The following CCDC88B variants were observed in gnomAD, a reference collection of about 807,000 sequenced individuals.
CCDC88B encodes the protein coiled-coil and HOOK domain protein 88B.
Under a neutral mutation model 183.7 loss-of-function variants are expected in CCDC88B, and 138 were observed. The observed-to-expected ratio is 0.75, with a 90% CI of 0.65 to 0.87. CCDC88B has a LOEUF of 0.87. Ranked by LOEUF, CCDC88B falls within the 40% of genes least tolerant of loss-of-function variation. CCDC88B has a pLI of 0.00. For missense variants in CCDC88B, 1,822 were observed against 1,965.6 expected (o/e 0.93, Z 1.38); for synonymous variants, 835 against 867.5 (o/e 0.96, Z 0.66).
At position 64,344,070 on chromosome 11, in the gene CCDC88B, C is replaced by T. The variant is rs763481748; in HGVS notation, c.1529C>T (p.Ala510Val). ...GAGGAGGCTCCCCAGACTCCTGTGG[C>T]CTTCGACCACAGCCCTCAGGGCTTG... ...VLEEAPQTPV[A>V]FDHSPQGLVQ... The change falls in exon 14 of 27, where the codon GCC becomes GTC. Residue 510 changes from alanine to valine, a missense_variant. Coordinates refer to ENST00000356786, the MANE Select transcript of CCDC88B (RefSeq NM_032251.6). The surrounding 1 kb of genome is among the most constrained non-coding windows in gnomAD (Gnocchi z 4.5). 5 of 1,605,550 alleles carry T rather than the reference C, an allele frequency of 3.1e-6. No homozygotes were observed. The highest frequency in any genetic ancestry group is 1.3e-5 in the African/African-American group (1 of 74,392).
chr11:64,356,169 T>G (rs1314518587), intron 26 of CCDC88B: 1 of 151,978 alleles, frequency 6.6e-6, no homozygotes, highest in African/African-American at 2.4e-5. Context: ...TAATTATTAT[T>G]ATTTTTTTTA....
At chr11:64,352,916 C>A in intron 20 of CCDC88B, 29 bp downstream of exon 20, 1 of 1,540,612 alleles carries the variant, frequency 6.5e-7, no homozygotes, top group Non-Finnish European at 8.7e-7. Flanking sequence ...CCTCTAGCAG[C>A]TCTCAGTGGC....
rs1000383749 is a variant in CCDC88B at position 64,343,798 on chromosome 11, C to T, written c.1339C>T (p.Pro447Ser). ...CTCAGCACCCCTAGCAGGAGCGGCC[C>T]CCTCGCTGCAAGATGAGGTGAGGGA... ...PGEAPLAGAA[P>S]SLQDEVREAE... Residue 447 changes from proline to serine, a missense_variant, in exon 13 of 27, where the codon CCC (proline) becomes TCC (serine). Transcript: ENST00000356786. The T allele has an allele frequency of 1.3e-6, 2 of 1,582,512 alleles. No individual in the cohort carries two copies. Among genetic ancestry groups the T allele is most frequent in the Non-Finnish European group, 8.6e-7 (1 of 1,164,270 alleles).
rs769296560 is a variant in CCDC88B, at chr11:64,355,243, G to A, written c.4149G>A (p.Leu1383=). 33 of 1,535,880 alleles carry A rather than the reference G, an allele frequency of 2.1e-5. No homozygotes were observed. The South Asian group carries it at 3.5e-4, about 16-fold the overall frequency. The change falls in exon 25 of 27, where the codon CTG becomes CTA. Residue 1383 remains leucine (L), a synonymous_variant. Transcript: ENST00000356786. The part of the protein sequence containing the change: ...PMRRAQSSLC[L]RDETLAGGQR... Reference sequence around the variant, plus strand: ...GCCGGGCCCAGAGCTCCCTCTGCCTGCGGGATGAGACCTTGGCAGGCGGGC... The same window carrying A: ...GCCGGGCCCAGAGCTCCCTCTGCCTACGGGATGAGACCTTGGCAGGCGGGC...
Position 64,344,856 on chromosome 11 carries a change from C to G in CCDC88B, c.2315C>G (p.Ala772Gly), listed in dbSNP as rs375634325. The change falls in exon 14 of 27, where the codon GCG (alanine) becomes GGG (glycine). Residue 772 changes from alanine (A) to glycine (G), a missense_variant. Transcript: ENST00000356786. The surrounding 1 kb of genome is among the most constrained non-coding windows in gnomAD (Gnocchi z 4.5). ...CGCCTCTCCAAGGAGCTGGCCCAAG[C>G]GCGAAGGGCAGAGGCCGAGGCCCAC... is the stretch of plus-strand genomic sequence containing the variant. ...AARLSKELAQARRAEAEAHRE... is the reference protein window; with the variant it reads ...AARLSKELAQGRRAEAEAHRE... 14 of 1,610,080 alleles carry G rather than the reference C, an allele frequency of 8.7e-6. No individual in the cohort carries two copies. In the South Asian group the frequency reaches 1.5e-4, roughly 18 times the overall value.
chr11:64,343,252 AGC>A lies in CCDC88B; in HGVS notation c.1139_1140del (p.Arg380LeufsTer37). The stretch of plus-strand genomic sequence containing the variant: ...GAAGAGCAGCTGGAGGCTGCCCGAG[AGC>A]GCTGCGCCCGGCTGCACGAGACCCA... On this transcript the variant is annotated frameshift_variant, in exon 11 of 27. Transcript: ENST00000356786. LOFTEE classifies it high-confidence loss of function. 6.5e-7 allele frequency: 1 copy of A among 1,548,252 alleles called. No individual in the cohort carries two copies. Among genetic ancestry groups the A allele is most frequent in the Non-Finnish European group, 8.7e-7 (1 of 1,146,568 alleles).
At position 64,344,390 on chromosome 11, in the gene CCDC88B, C is replaced by G. The variant is rs537511418; in HGVS notation, c.1849C>G (p.Pro617Ala). Residue 617 changes from proline to alanine, a missense_variant, in exon 14 of 27, where the codon CCG becomes GCG. By Grantham distance (27) the Pro-to-Ala change is conservative (BLOSUM62 -1). Coordinates refer to ENST00000356786, the MANE Select transcript of CCDC88B (RefSeq NM_032251.6). This position sits in a 1 kb window ranked among gnomAD's most constrained non-coding sequence, Gnocchi z 4.5. ...PQGPGTKIQAPQLLGGETEGR... is the reference protein window; with the variant it reads ...PQGPGTKIQAAQLLGGETEGR... ...GGGTCCAGGGACCAAAATTCAGGCC[C>G]CGCAGTTGCTGGGAGGAGAGACAGA... 9.8e-5 allele frequency: 155 copies of G among 1,584,182 alleles called. No individual in the cohort carries two copies. The Middle Eastern group carries it at 1.2e-3, about 12-fold the overall frequency.
intron 3 of CCDC88B, 23 bp from the exon 4 acceptor site, chr11:64,341,086 A>G (rs1432943720): frequency 2.5e-6 from 4 of 1,613,926 alleles, no homozygotes; most frequent in Non-Finnish European, 3.4e-6. Context: ...GGCGCCTCAT[A>G]TAGTCTGCCT....
At chr11:64,348,401 T>C (rs1308644591) in intron 14 of CCDC88B, among the ~76,000 whole-genome samples, 1 of 142,018 alleles carries the variant, frequency 7.0e-6, no homozygotes, top group African/African-American at 2.6e-5. Flanking sequence ...AGGAGGGCTG[T>C]GGCCAGGGCC....
chr11:64,345,363 G>C (rs572906152), intron 14 of CCDC88B, among the ~76,000 whole-genome samples: 1 of 152,286 alleles, frequency 6.6e-6, no homozygotes, highest in South Asian at 2.1e-4. Flanking sequence ...GGCGCTGTGG[G>C]AGGGGGTGGG....
chr11:64,341,582 C>T lies in CCDC88B; in HGVS notation c.532-17C>T, dbSNP rs375096255. ...CCACACCGCGGCTTCCACTGAACTGCTCTTCCTGCGCCCCAGGTGACCCAG... is the reference window on the plus strand; with the variant it reads ...CCACACCGCGGCTTCCACTGAACTGTTCTTCCTGCGCCCCAGGTGACCCAG... On this transcript the variant is annotated splice_polypyrimidine_tract_variant and intron_variant, in intron 6 of 26. Coordinates refer to ENST00000356786, the MANE Select transcript of CCDC88B (RefSeq NM_032251.6). 524 of 1,604,532 alleles carry T rather than the reference C, an allele frequency of 3.3e-4. 2 individuals carry two copies. The highest frequency in any genetic ancestry group is 3.6e-4 in the Non-Finnish European group (424 of 1,174,832).
rs374590235 is a variant in CCDC88B at position 64,343,900 on chromosome 11, C to G, written c.1441C>G (p.Gln481Glu). ...GGGGCTGCTTCAGGTGCTTCAGGGG[C>G]AGCCAGGGGGCCAGGTAAGTCCCCT... ...LRGLLQVLQG[Q>E]PGGQHPLLEA... Residue 481 changes from glutamine to glutamate, a missense_variant, in exon 13 of 27, where the codon CAG (glutamine) becomes GAG (glutamate). Physicochemically the swap from Gln to Glu is conservative, Grantham distance 29. Transcript: ENST00000356786. The G allele has an allele frequency of 7.5e-6, 12 of 1,603,696 alleles. No individual in the cohort carries two copies. The African/African-American group carries it at 1.2e-4, about 16-fold the overall frequency.
Position 64,353,885 on chromosome 11 carries a change from CAGG to C in CCDC88B, c.3932+73_3932+75del. 3 of 1,592,806 alleles carry C rather than the reference CAGG, an allele frequency of 1.9e-6. No homozygotes were observed. In the East Asian group the frequency reaches 6.7e-5, roughly 36 times the overall value. On this transcript the variant is annotated intron_variant, in intron 23 of 26. Transcript: ENST00000356786. ...CTGCCCCTGCCCTGGCCTCTGACCCCAGGCCCAGCTCAGGTCCAGGCCCCATGA... is the reference window on the plus strand; with the variant it reads ...CTGCCCCTGCCCTGGCCTCTGACCCCCCCAGCTCAGGTCCAGGCCCCATGA...
At position 64,352,264 on chromosome 11, in the gene CCDC88B, CA is replaced by C. The variant is rs2036364446; in HGVS notation, c.3236del (p.Lys1079ArgfsTer14). The C allele has an allele frequency of 6.2e-7, 1 of 1,600,312 alleles. No homozygotes were observed. On this transcript the variant is annotated frameshift_variant, in exon 19 of 27. Coordinates refer to ENST00000356786, the MANE Select transcript of CCDC88B (RefSeq NM_032251.6). LOFTEE classifies it high-confidence loss of function. The part of the protein sequence containing the change: ...GQQQALLRDH[K>X]ALAQLQRRQE... ...AGCAGCAGGCCCTGCTTCGGGACCA[CA>C]AGGCCCTGGCACAGCTGCAGCGGCG...
intron 16 of CCDC88B, 123 bp from the exon 17 acceptor site, chr11:64,351,037 G>A: frequency 1.7e-6 from 1 of 604,522 alleles, no homozygotes; most frequent in East Asian, 3.2e-5. Context: ...GAAGGCATGG[G>A]ATTGGGGCGG....
rs1217001200 is a variant in CCDC88B at position 64,341,184 on chromosome 11, C to G, written c.388+6C>G. The G allele has an allele frequency of 1.2e-6, 2 of 1,614,006 alleles. No homozygotes were observed. Among genetic ancestry groups the G allele is most frequent in the Non-Finnish European group, 8.5e-7 (1 of 1,180,024 alleles). The stretch of plus-strand genomic sequence containing the variant: ...GGGATTTGACCCTCTCTCAGGTGCT[C>G]TCCCCACCCACACCCTCCTGCCTCT... On this transcript the variant is annotated splice_donor_region_variant and intron_variant, in intron 4 of 26. Coordinates refer to ENST00000356786, the MANE Select transcript of CCDC88B (RefSeq NM_032251.6).
In CCDC88B at chr11:64,349,337, G is replaced by C; in HGVS notation, c.2623G>C (p.Glu875Gln). Residue 875 changes from glutamate (E) to glutamine (Q), a missense_variant, in exon 15 of 27, where the codon GAG becomes CAG. Glu to Gln is a conservative substitution (Grantham distance 29). Coordinates refer to ENST00000356786, the MANE Select transcript of CCDC88B (RefSeq NM_032251.6). ...REKEALQAEL[E>Q]KAVVRGKELG... ...CTGCTCTGCTTGCCCTCAGGAGCTG[G>C]AGAAAGCTGTGGTGCGGGGCAAGGA... 6.2e-7 allele frequency: 1 copy of C among 1,607,492 alleles called. No homozygotes were observed. Among genetic ancestry groups the C allele is most frequent in the Non-Finnish European group, 8.5e-7 (1 of 1,177,574 alleles).
rs780767761 is a variant in CCDC88B at position 64,344,141 on chromosome 11, C to G, written c.1600C>G (p.Pro534Ala). ...AGGCCCCCAGGCCTTGGACTTGGCT[C>G]CCCCGGCATTAGACTCAGTGCTCGA... ...DGGPQALDLA[P>A]PALDSVLEAS... The change falls in exon 14 of 27, where the codon CCC becomes GCC. Residue 534 changes from proline to alanine, a missense_variant. Pro to Ala is a conservative substitution (Grantham distance 27). Coordinates refer to ENST00000356786, the MANE Select transcript of CCDC88B (RefSeq NM_032251.6). This position sits in a 1 kb window ranked among gnomAD's most constrained non-coding sequence, Gnocchi z 4.5. The G allele has an allele frequency of 3.1e-6, 5 of 1,613,170 alleles. No individual in the cohort carries two copies. Among genetic ancestry groups the G allele is most frequent in the Middle Eastern group, 3.3e-4 (2 of 6,062 alleles).
At position 64,345,095 on chromosome 11, in the gene CCDC88B, G is replaced by A. The variant is rs1457158687; in HGVS notation, c.2554G>A (p.Glu852Lys). 11 of 1,551,298 alleles carry A rather than the reference G, an allele frequency of 7.1e-6. No homozygotes were observed. The highest frequency in any genetic ancestry group is 7.1e-5 in the South Asian group (6 of 84,692). ...GGAACGGATGCAGGTGCTGGAGAGC[G>A]AGGGCCGCCAGCACTTGGAGGAGGC... ...AEERMQVLESEGRQHLEEAER... is the reference protein window; with the variant it reads ...AEERMQVLESKGRQHLEEAER... Residue 852 changes from glutamate to lysine, a missense_variant, in exon 14 of 27, where the codon GAG becomes AAG. Transcript: ENST00000356786.
Sources: allele counts gnomAD v4.1 joint callset (sites outside exome capture counted in the v4.1 genomes callset), GRCh38; gene constraint gnomAD v4.1.1; non-coding constraint Gnocchi (gnomAD v3.1); transcripts MANE v1.5; gene names NCBI Gene and HGNC (gene_info 2026-07-23, HGNC 2026-07-21).